Variants in BAK1 observed in about 807,000 individuals in gnomAD.
BAK1 encodes bcl-2 homologous antagonist/killer.
In BAK1, 19 loss-of-function variants were observed where a neutral mutation model predicts 24.7. The ratio of observed to expected loss-of-function variants is 0.77; its 90% CI spans 0.54 to 1.13. The LOEUF (loss-of-function observed/expected upper bound fraction) is 1.13, where lower values mean the gene tolerates loss of function less well. BAK1 is among the 50% of genes most tolerant of loss of function. The pLI is 0.00. For synonymous variants in BAK1, 86 were observed against 107.3 expected, an observed-to-expected ratio of 0.80 and a Z score of 1.23; for missense variants, 194 against 279.4, an observed-to-expected ratio of 0.69 and a Z score of 2.18.
Position 33,577,480 on chromosome 6 carries a change from C to A in BAK1, c.70+55G>T. On this transcript the variant is annotated intron_variant, in intron 2 of 5. Coordinates refer to ENST00000374467, the MANE Select transcript of BAK1 (RefSeq NM_001188.4). This position sits in a 1 kb window ranked among gnomAD's most constrained non-coding sequence, Gnocchi z 4.6. ...CCTGCCTGAGTCCTGCTCCTTCCAT[C>A]CTCACGACAGCACTCATGGTTATGG... 1 of 1,470,422 alleles carries A rather than the reference C, an allele frequency of 6.8e-7. No homozygotes were observed. Among genetic ancestry groups the A allele is most frequent in the Admixed American group, 2.2e-5 (1 of 46,064 alleles). 91.1% of individuals were successfully genotyped at this position (1,470,422 alleles called of 1,614,324 possible).
At chr6:33,574,751 G>A (rs1319371253) in intron 4 of BAK1, among the ~76,000 whole-genome samples, 1 of 152,176 alleles carries the variant, frequency 6.6e-6, no homozygotes, top group East Asian at 1.9e-4. Context: ...CACTTTGTAA[G>A]GTGGACACTA....
In BAK1 at chr6:33,573,699, T is replaced by C; in HGVS notation, c.*104A>G. The C allele has an allele frequency of 2.2e-6, 2 of 894,374 alleles. No homozygotes were observed. The highest frequency in any genetic ancestry group is 3.2e-5 in the South Asian group (2 of 62,410). 55.4% of individuals were successfully genotyped at this position (894,374 alleles called of 1,614,324 possible). On this transcript the variant is annotated 3_prime_UTR_variant, in exon 6 of 6. Transcript: ENST00000374467. ...TGGAGTGCACACTTGCTAAAGCTTC[T>C]GTACTCTTGAGGGGGGACCCCTGCA...
Position 33,574,163 on chromosome 6 carries a change from G to A in BAK1, c.402C>T (p.Phe134=), listed in dbSNP as rs776825292. ...AGACGTGTAGGGCCAGACGGTAGCC[G>A]AAGCCCAGAAGAGCCACCACACGGC... ...NWGRVVALLG[F]GYRLALHVYQ... The change falls in exon 5 of 6, where the codon TTC becomes TTT. Residue 134 remains phenylalanine (F), a synonymous_variant. Coordinates refer to ENST00000374467, the MANE Select transcript of BAK1 (RefSeq NM_001188.4). 8 of 1,613,970 alleles carry A rather than the reference G, an allele frequency of 5.0e-6. No individual in the cohort carries two copies. The highest frequency in any genetic ancestry group is 3.3e-5 in the South Asian group (3 of 91,090).
rs540936025 is a variant in BAK1, at chr6:33,575,128, C to G, written c.350+170G>C. ...TAATGCCCAAAATACAAGTCTGGGA[C>G]CCCGAAAGAGAAAAATAGGGGGCCG... On this transcript the variant is annotated intron_variant, in intron 4 of 5. Coordinates refer to ENST00000374467, the MANE Select transcript of BAK1 (RefSeq NM_001188.4). This position sits in a 1 kb window ranked among gnomAD's most constrained non-coding sequence, Gnocchi z 6.3. 11 of 988,132 alleles carry G rather than the reference C, an allele frequency of 1.1e-5. No homozygotes were observed. Among genetic ancestry groups the G allele is most frequent in the Non-Finnish European group, 1.4e-5 (9 of 636,442 alleles). 61.2% of individuals were successfully genotyped at this position (988,132 alleles called of 1,614,324 possible).
At position 33,574,147 on chromosome 6, in the gene BAK1, G is replaced by A; in HGVS notation, c.418C>T (p.Leu140=). ...GTCAGGCCATGCTGGTAGACGTGTA[G>A]GGCCAGACGGTAGCCGAAGCCCAGA... is the stretch of plus-strand genomic sequence containing the variant. ...ALLGFGYRLA[L]HVYQHGLTGF... is the part of the protein sequence containing the mutation. The change falls in exon 5 of 6, where the codon CTA becomes TTA. Residue 140 remains leucine (L), a synonymous_variant. Transcript: ENST00000374467. 2 of 1,614,186 alleles carry A rather than the reference G, an allele frequency of 1.2e-6. No homozygotes were observed. Among genetic ancestry groups the A allele is most frequent in the Non-Finnish European group, 1.7e-6 (2 of 1,180,030 alleles).
intron 1 of BAK1, among the ~76,000 whole-genome samples, chr6:33,579,620 G>A (rs1762903370): frequency 6.6e-6 from 1 of 152,228 alleles, no homozygotes; most frequent in South Asian, 2.1e-4. Flanking sequence ...GGTGAGGGGA[G>A]CCACCCCCGA....
Position 33,573,524 on chromosome 6 carries a change from G to A in BAK1, c.*279C>T. On this transcript the variant is annotated 3_prime_UTR_variant, in exon 6 of 6. Transcript: ENST00000374467. ...CCTCCCCAAGTTATCAGTCTCCCCAGCGCCTAGCAGACAGGGCTAAGGAGG... is the reference window on the plus strand; with the variant it reads ...CCTCCCCAAGTTATCAGTCTCCCCAACGCCTAGCAGACAGGGCTAAGGAGG... 2.1e-6 allele frequency: 1 copy of A among 479,212 alleles called. No homozygotes were observed. Among genetic ancestry groups the A allele is most frequent in the East Asian group, 3.3e-5 (1 of 30,522 alleles). 29.7% of individuals were successfully genotyped at this position (479,212 alleles called of 1,614,324 possible).
chr6:33,573,370 A>G lies in BAK1; in HGVS notation c.*433T>C, dbSNP rs1582064033. 1 of 182,652 alleles carries G rather than the reference A, an allele frequency of 5.5e-6. No homozygotes were observed. Among genetic ancestry groups the G allele is most frequent in the Admixed American group, 5.3e-5 (1 of 18,732 alleles). 11.3% of individuals were successfully genotyped at this position (182,652 alleles called of 1,614,324 possible). A position where few individuals can be genotyped will look rare whatever the true frequency, so the allele number is the denominator to read the frequency against. On this transcript the variant is annotated 3_prime_UTR_variant, in exon 6 of 6. Transcript: ENST00000374467. ...AATAGCTGAATCCTGGGGAACATAG[A>G]CCCACCAATCCCCACACCCCAGACG...
chr6:33,576,547 G>A (rs1582067006), intron 2 of BAK1, among the ~76,000 whole-genome samples: 1 of 150,476 alleles, frequency 6.6e-6, no homozygotes. Context: ...GCAGGAGAAT[G>A]GCGTGAACCC....
At position 33,573,133 on chromosome 6, in the gene BAK1, GACTCCACCCCACCCCAC is replaced by G. The variant is rs1762789206; in HGVS notation, c.*653_*669del. The G allele has an allele frequency of 6.5e-6, 1 of 153,086 alleles. No individual in the cohort carries two copies. The highest frequency in any genetic ancestry group is 2.1e-4 in the South Asian group (1 of 4,832). The allele number at this position is 153,086 out of a possible 1,614,324, so 9.5% of individuals were successfully genotyped here. On this transcript the variant is annotated 3_prime_UTR_variant, in exon 6 of 6. Coordinates refer to ENST00000374467, the MANE Select transcript of BAK1 (RefSeq NM_001188.4). ...GTGAGTTCAGACAGCTCTGGTCTGC[GACTCCACCCCACCCCAC>G]ACCCCAAGCCCAGAATCCCTGAGAG...
At position 33,575,654 on chromosome 6, in the gene BAK1, GC is replaced by G. The variant is rs1762832344; in HGVS notation, c.206+138del. Reference sequence around the variant, plus strand: ...TACAAGGTCCTGGATGGGGGTGGGAGCCCAACATAAAAGAGGAGCAACCATG... The same window carrying G: ...TACAAGGTCCTGGATGGGGGTGGGAGCCAACATAAAAGAGGAGCAACCATG... On this transcript the variant is annotated intron_variant, in intron 3 of 5. Transcript: ENST00000374467. This position sits in a 1 kb window ranked among gnomAD's most constrained non-coding sequence, Gnocchi z 6.3. 4 of 1,402,446 alleles carry G rather than the reference GC, an allele frequency of 2.9e-6. No individual in the cohort carries two copies. The highest frequency in any genetic ancestry group is 2.1e-5 in the Admixed American group (1 of 48,494). 86.9% of individuals were successfully genotyped at this position (1,402,446 alleles called of 1,614,324 possible).
At chr6:33,576,370 C>A (rs912127649) in intron 2 of BAK1, among the ~76,000 whole-genome samples, 33 of 148,048 alleles carry the variant, frequency 2.2e-4, no homozygotes, top group Non-Finnish European at 4.6e-4. Flanking sequence ...GTGGCTCATG[C>A]CTGTAATCCC....
In BAK1 at chr6:33,575,717, C is replaced by G. The variant is rs1273210137; in HGVS notation, c.206+76G>C. ...AGACCCCCGAGGCCTCCCCAGCTCC[C>G]AGGACCTGCACAGAGACCCATGCGA... is the stretch of plus-strand genomic sequence containing the variant. On this transcript the variant is annotated intron_variant, in intron 3 of 5. Transcript: ENST00000374467. The surrounding 1 kb of genome is among the most constrained non-coding windows in gnomAD (Gnocchi z 6.3). The G allele has an allele frequency of 6.4e-7, 1 of 1,570,606 alleles. No individual in the cohort carries two copies. Among genetic ancestry groups the G allele is most frequent in the African/African-American group, 1.4e-5 (1 of 73,866 alleles).
chr6:33,574,379 C>T lies in BAK1; in HGVS notation c.351-165G>A, dbSNP rs1762809253. The T allele has an allele frequency of 6.9e-6, 10 of 1,450,070 alleles. 1 individual carries two copies. In the South Asian group the frequency reaches 9.9e-5, roughly 14 times the overall value. The allele number at this position is 1,450,070 out of a possible 1,614,324, so 89.8% of individuals were successfully genotyped here. A position where few individuals can be genotyped will look rare whatever the true frequency, so the allele number is the denominator to read the frequency against. On this transcript the variant is annotated intron_variant, in intron 4 of 5. Coordinates refer to ENST00000374467, the MANE Select transcript of BAK1 (RefSeq NM_001188.4). ...GCCTGTATTTGGGAACAACCTGGGT[C>T]TCTGCGAAAGGAGAAAGCTCAGGGG... is the stretch of plus-strand genomic sequence containing the variant.
At chr6:33,579,403 G>C (rs5745578) in intron 1 of BAK1, among the ~76,000 whole-genome samples, 1 of 151,958 alleles carries the variant, frequency 6.6e-6, no homozygotes, top group Non-Finnish European at 1.5e-5. Context: ...CCTTACATAA[G>C]ATGGCCTTCC....
Position 33,575,182 on chromosome 6 carries a change from T to C in BAK1, c.350+116A>G. 3 of 1,490,420 alleles carry C rather than the reference T, an allele frequency of 2.0e-6. No individual in the cohort carries two copies. The highest frequency in any genetic ancestry group is 1.9e-6 in the Non-Finnish European group (2 of 1,071,294). The allele number at this position is 1,490,420 out of a possible 1,614,324, so 92.3% of individuals were successfully genotyped here. A position where few individuals can be genotyped will look rare whatever the true frequency, so the allele number is the denominator to read the frequency against. ...CCACATGTGAGTTCACAGCAGACAT[T>C]GGACACTGACAGAAGGCTTCTCCCC... On this transcript the variant is annotated intron_variant, in intron 4 of 5. Transcript: ENST00000374467. This position sits in a 1 kb window ranked among gnomAD's most constrained non-coding sequence, Gnocchi z 6.3.
At position 33,573,693 on chromosome 6, in the gene BAK1, A is replaced by C. The variant is rs541193872; in HGVS notation, c.*110T>G. ...CGAAGCTGGAGTGCACACTTGCTAA[A>C]GCTTCTGTACTCTTGAGGGGGGACC... On this transcript the variant is annotated 3_prime_UTR_variant, in exon 6 of 6. Coordinates refer to ENST00000374467, the MANE Select transcript of BAK1 (RefSeq NM_001188.4). 3.5e-6 allele frequency: 3 copies of C among 866,032 alleles called. No individual in the cohort carries two copies. The Admixed American group carries it at 7.3e-5, about 21-fold the overall frequency. 53.6% of individuals were successfully genotyped at this position (866,032 alleles called of 1,614,324 possible).
chr6:33,574,516 T>C (rs1762811106), intron 4 of BAK1: 1 of 1,434,424 alleles, frequency 7.0e-7, no homozygotes, highest in Admixed American at 2.1e-5. Flanking sequence ...CTGTGGGTGT[T>C]GCTGCTGGCC....
chr6:33,580,107 G>A lies in BAK1; in HGVS notation c.-114C>T, dbSNP rs577291137. 1 of 152,476 alleles carries A rather than the reference G, an allele frequency of 6.6e-6. No individual in the cohort carries two copies. The highest frequency in any genetic ancestry group is 2.4e-5 in the African/African-American group (1 of 41,580). 9.4% of individuals were successfully genotyped at this position (152,476 alleles called of 1,614,324 possible). A position where few individuals can be genotyped will look rare whatever the true frequency, so the allele number is the denominator to read the frequency against. The stretch of plus-strand genomic sequence containing the variant: ...GGGGCTGGCGGCTGCTGCTCCCAGG[G>A]GCTGAGTGGGAGCCCAGTTTCCAGG... On this transcript the variant is annotated 5_prime_UTR_variant, in exon 1 of 6. Transcript: ENST00000374467.
Sources: allele counts gnomAD v4.1 joint callset (sites outside exome capture counted in the v4.1 genomes callset), GRCh38; gene constraint gnomAD v4.1.1; non-coding constraint Gnocchi (gnomAD v3.1); transcripts MANE v1.5; gene names NCBI Gene and HGNC (gene_info 2026-07-23, HGNC 2026-07-21).